PTPRN2: variants seen among roughly 807,000 people sequenced by gnomAD.
PTPRN2 encodes receptor-type tyrosine-protein phosphatase N2.
Under a neutral mutation model 118.8 loss-of-function variants are expected in PTPRN2, and 74 were observed. The observed-to-expected ratio is 0.62, with a 90% CI of 0.52 to 0.76. The LOEUF is 0.76. PTPRN2 is among the 30% of genes least tolerant of loss of function. The pLI, the probability that PTPRN2 is intolerant of heterozygous loss-of-function variation, is 0.00. For synonymous variants in PTPRN2, 641 were observed against 608.0 expected, an observed-to-expected ratio of 1.05 and a Z score of -0.80; for missense variants, 1,481 against 1,394.4, an observed-to-expected ratio of 1.06 and a Z score of -0.99.
intron 11 of PTPRN2, among the ~76,000 whole-genome samples, chr7:157,916,348 G>C (rs1185823523): frequency 6.6e-6 from 1 of 152,224 alleles, no homozygotes; most frequent in Admixed American, 6.5e-5. Context: ...GAGCCTCTGG[G>C]AGGTGTTGGC....
intron 11 of PTPRN2, among the ~76,000 whole-genome samples, chr7:157,991,324 C>T (rs1302643916): frequency 6.6e-6 from 1 of 152,218 alleles, no homozygotes; most frequent in Non-Finnish European, 1.5e-5. Flanking sequence ...GGGCAATGGC[C>T]GGCATTTCTG....
intron 11 of PTPRN2, among the ~76,000 whole-genome samples, chr7:158,000,474 A>G (rs1194054141): frequency 6.6e-5 from 10 of 151,958 alleles, no homozygotes; most frequent in Non-Finnish European, 7.4e-5. Flanking sequence ...AACGCCCTGC[A>G]CACCTTTCCT....
chr7:158,127,458 C>A (rs921605272), intron 9 of PTPRN2, among the ~76,000 whole-genome samples: 1 of 152,150 alleles, frequency 6.6e-6, no homozygotes, highest in African/African-American at 2.4e-5. Context: ...GGGGCGTTTG[C>A]CACATTCTAG....
At chr7:157,665,847 A>C (rs966350315) in intron 13 of PTPRN2, among the ~76,000 whole-genome samples, 2 of 152,230 alleles carry the variant, frequency 1.3e-5, no homozygotes, top group Non-Finnish European at 2.9e-5. Context: ...ACATGGATGA[A>C]GCTGGAAACC....
chr7:158,385,801 G>C (rs767164023), intron 2 of PTPRN2, among the ~76,000 whole-genome samples: 5 of 152,118 alleles, frequency 3.3e-5, no homozygotes. Flanking sequence ...CGTCTCTCCT[G>C]TGGTGAACAC....
chr7:157,591,767 A>C lies in PTPRN2; in HGVS notation c.2496+3471T>G, dbSNP rs190503096. On this transcript the variant is annotated intron_variant, in intron 17 of 22. Transcript: ENST00000389418. The surrounding 1 kb of genome is among the most constrained non-coding windows in gnomAD (Gnocchi z 4.4). ...CCAGGCAAATGTGACTGTGCTAGGA[A>C]GCAACTCTCCTCCATCCTGCTCTGT... Among the ~76,000 whole-genome samples, 1 of 152,236 alleles carries C rather than the reference A, an allele frequency of 6.6e-6. No individual in the cohort carries two copies. The highest frequency in any genetic ancestry group is 1.5e-5 in the Non-Finnish European group (1 of 68,036).
intron 1 of PTPRN2, among the ~76,000 whole-genome samples, chr7:158,550,458 C>T (rs1185174204): frequency 6.6e-6 from 1 of 152,236 alleles, no homozygotes. Context: ...GGTGCCTCCC[C>T]TAAGACAGGG....
At chr7:158,006,977 G>A (rs1270779524) in intron 11 of PTPRN2, among the ~76,000 whole-genome samples, 1 of 152,156 alleles carries the variant, frequency 6.6e-6, no homozygotes, top group Non-Finnish European at 1.5e-5. Context: ...TCAAACAACA[G>A]AAATGTACTC....
chr7:157,891,965 C>T (rs1796834951), intron 12 of PTPRN2, among the ~76,000 whole-genome samples: 1 of 152,228 alleles, frequency 6.6e-6, no homozygotes, highest in Admixed American at 6.5e-5. Flanking sequence ...TCAGATTCCT[C>T]TTGTTCACGC....
chr7:157,847,257 C>T (rs1168373908), intron 12 of PTPRN2, among the ~76,000 whole-genome samples: 1 of 131,076 alleles, frequency 7.6e-6, no homozygotes, highest in Non-Finnish European at 1.6e-5. Context: ...AGAGCCCTCT[C>T]TCACTCCTTC....
Position 158,316,774 on chromosome 7 carries a change from C to G in PTPRN2, c.277+45G>C, listed in dbSNP as rs199616681. On this transcript the variant is annotated intron_variant, in intron 3 of 22. Transcript: ENST00000389418. ...GGAGGAGAAGCCAAGCCCGTGCGGT[C>G]GCTCAGTGCGGCAGCCGCCGAGCCT... 1,485 of 1,431,760 alleles carry G rather than the reference C, an allele frequency of 1.0e-3. 12 individuals carry two copies. In the African/African-American group the frequency reaches 0.018, roughly 18 times the overall value. 88.7% of individuals were successfully genotyped at this position (1,431,760 alleles called of 1,614,324 possible).
intron 10 of PTPRN2, among the ~76,000 whole-genome samples, chr7:158,092,328 G>A (rs1814259321): frequency 7.5e-6 from 1 of 133,316 alleles, no homozygotes; most frequent in Non-Finnish European, 1.6e-5. Flanking sequence ...ATGGGTGGAT[G>A]GATGGATAGA....
At chr7:158,203,225 C>CAAAAAAAAAAA (rs56016358) in intron 4 of PTPRN2, among the ~76,000 whole-genome samples, 4 of 50,338 alleles carry the variant, frequency 7.9e-5, no homozygotes, top group African/African-American at 1.3e-4. Flanking sequence ...AAGCAAGAGC[C>CAAAAAAAAAAA]AAAAAAAAAA....
rs528545495 is a variant in PTPRN2, at chr7:158,526,199, C to T, written c.113-36414G>A. Reference sequence around the variant, plus strand: ...GCTCCTGGTGTTGGCAGGGTGCCGGCGGAATCCAGGGCAGGATTCACTTGT... The same window carrying T: ...GCTCCTGGTGTTGGCAGGGTGCCGGTGGAATCCAGGGCAGGATTCACTTGT... On this transcript the variant is annotated intron_variant, in intron 1 of 22. Transcript: ENST00000389418. The surrounding 1 kb of genome is among the most constrained non-coding windows in gnomAD (Gnocchi z 5.2). Among the ~76,000 whole-genome samples, 4 of 152,170 alleles carry T rather than the reference C, an allele frequency of 2.6e-5. No homozygotes were observed. The highest frequency in any genetic ancestry group is 4.4e-5 in the Non-Finnish European group (3 of 68,022).
intron 11 of PTPRN2, 37 bp downstream of exon 11, chr7:158,081,261 T>G: frequency 1.3e-6 from 2 of 1,499,620 alleles, no homozygotes; most frequent in Non-Finnish European, 1.8e-6. Context: ...TGCACACACG[T>G]GTGTGTGCGT....
rs1175267610 is a variant in PTPRN2 at position 157,801,671 on chromosome 7, G to A, written c.1788+97002C>T. Among the ~76,000 whole-genome samples, 1 of 152,156 alleles carries A rather than the reference G, an allele frequency of 6.6e-6. No individual in the cohort carries two copies. On this transcript the variant is annotated intron_variant, in intron 12 of 22. Coordinates refer to ENST00000389418, the MANE Select transcript of PTPRN2 (RefSeq NM_002847.5). This position sits in a 1 kb window ranked among gnomAD's most constrained non-coding sequence, Gnocchi z 4.2. ...TTTTCTCTAGGGAAAAATTTGATGGGCACGCTATGATTTATTGCCAAATGA... is the reference window on the plus strand; with the variant it reads ...TTTTCTCTAGGGAAAAATTTGATGGACACGCTATGATTTATTGCCAAATGA...
chr7:157,691,076 C>A lies in PTPRN2; in HGVS notation c.1789-8139G>T, dbSNP rs1430926878. The stretch of plus-strand genomic sequence containing the variant: ...GGTTGCTATAGCGATGTCCCCCCCC[C>A]CCCCCACATGTTGCTGACAGCAATT... On this transcript the variant is annotated intron_variant, in intron 12 of 22. Coordinates refer to ENST00000389418, the MANE Select transcript of PTPRN2 (RefSeq NM_002847.5). Among the ~76,000 whole-genome samples, 5 of 120,434 alleles carry A rather than the reference C, an allele frequency of 4.2e-5. 1 individual carries two copies. The highest frequency in any genetic ancestry group is 1.2e-4 in the African/African-American group (4 of 34,070). The allele number at this position is 120,434 out of a possible 152,430, so 79.0% of individuals were successfully genotyped here. A position where few individuals can be genotyped will look rare whatever the true frequency, so the allele number is the denominator to read the frequency against.
intron 11 of PTPRN2, among the ~76,000 whole-genome samples, chr7:158,034,809 G>A (rs1483081370): frequency 6.6e-6 from 1 of 152,234 alleles, no homozygotes; most frequent in Non-Finnish European, 1.5e-5. Flanking sequence ...TGGGGTGTAA[G>A]AGCTGGGAGC....
intron 11 of PTPRN2, among the ~76,000 whole-genome samples, chr7:157,959,843 G>A (rs1801409419): frequency 6.6e-6 from 1 of 152,200 alleles, no homozygotes; most frequent in African/African-American, 2.4e-5. Flanking sequence ...AAACACTCAA[G>A]TAATGCAAAA....
Sources: allele counts gnomAD v4.1 joint callset (sites outside exome capture counted in the v4.1 genomes callset), GRCh38; gene constraint gnomAD v4.1.1; non-coding constraint Gnocchi (gnomAD v3.1); transcripts MANE v1.5; gene names NCBI Gene and HGNC (gene_info 2026-07-23, HGNC 2026-07-21).